VWF: variants seen among roughly 807,000 people sequenced by gnomAD.
VWF encodes von Willebrand factor, also known as Factor VIII related antigen.
VWF carries 176 observed loss-of-function variants against 308.6 expected under a neutral mutation model. The observed-to-expected ratio is 0.57, with a 90% CI of 0.50 to 0.65. The LOEUF is 0.65. Among genes scored for constraint, VWF ranks in the 30% least tolerant of loss-of-function variants. VWF has a pLI of 0.00. For synonymous variants in VWF, 1,385 were observed against 1,443.4 expected (o/e 0.96, Z 0.92); for missense variants, 3,146 against 3,648.2 (o/e 0.86, Z 3.55).
chr12:6,105,386 C>A (rs1157373362), intron 5 of VWF, among the ~76,000 whole-genome samples: 5 of 151,910 alleles, frequency 3.3e-5, no homozygotes, highest in African/African-American at 7.3e-5. Flanking sequence ...GTGCTACCAC[C>A]CCCAGCTAAT....
chr12:6,064,203 G>T lies in VWF; in HGVS notation c.1432+43C>A, dbSNP rs755553938. ...TTGAGAAGGAGGGTGCTAAGGGATG[G>T]GCTGTGCCAGCCCCAGGCCTGATGG... On this transcript the variant is annotated intron_variant, in intron 12 of 51. Coordinates refer to ENST00000261405, the MANE Select transcript of VWF (RefSeq NM_000552.5). 10 of 1,613,704 alleles carry T rather than the reference G, an allele frequency of 6.2e-6. No individual in the cohort carries two copies. In the African/African-American group the frequency reaches 1.3e-4, roughly 22 times the overall value.
At chr12:6,087,149 G>A (rs1944981984) in intron 6 of VWF, among the ~76,000 whole-genome samples, 1 of 152,138 alleles carries the variant, frequency 6.6e-6, no homozygotes, top group African/African-American at 2.4e-5. Flanking sequence ...TGCAATTGAT[G>A]TGAGCTCCTG....
At chr12:6,000,624 G>C (rs556063977) in intron 34 of VWF, among the ~76,000 whole-genome samples, 2 of 151,868 alleles carry the variant, frequency 1.3e-5, no homozygotes, top group Admixed American at 6.6e-5. Flanking sequence ...CGGCTAACAC[G>C]GTGAAACCCC....
intron 14 of VWF, among the ~76,000 whole-genome samples, chr12:6,057,277 T>G (rs941193365): frequency 6.6e-6 from 1 of 150,762 alleles, no homozygotes; most frequent in African/African-American, 2.4e-5. Context: ...GCTGCTGCAG[T>G]AGACTGGGAA....
intron 5 of VWF, among the ~76,000 whole-genome samples, chr12:6,096,437 G>A (rs1385667493): frequency 1.3e-5 from 2 of 152,110 alleles, no homozygotes; most frequent in Non-Finnish European, 2.9e-5. Flanking sequence ...CATGGCACCT[G>A]GGCATCCCTC....
intron 14 of VWF, among the ~76,000 whole-genome samples, chr12:6,057,646 G>A (rs1478854072): frequency 6.7e-6 from 1 of 149,408 alleles, no homozygotes; most frequent in Non-Finnish European, 1.5e-5. Context: ...TTGGCCTGTG[G>A]CGGGCGCCCA....
Position 5,951,850 on chromosome 12 carries a change from C to T in VWF, c.8149G>A (p.Asp2717Asn), listed in dbSNP as rs1194377444. 6.2e-7 allele frequency: 1 copy of T among 1,614,198 alleles called. No individual in the cohort carries two copies. The highest frequency in any genetic ancestry group is 8.5e-7 in the Non-Finnish European group (1 of 1,180,028). ...ATATTAGTAACGCACTCACATGTGTCACAGCAGGTGCCTGGAATTTTCATA... is the reference window on the plus strand; with the variant it reads ...ATATTAGTAACGCACTCACATGTGTTACAGCAGGTGCCTGGAATTTTCATA... ...KIMKIPGTCC[D>N]TCEEPECNDI... Residue 2717 changes from aspartate (D) to asparagine (N), a missense_variant, in exon 50 of 52, where the codon GAC becomes AAC. Transcript: ENST00000261405.
At chr12:6,095,330 G>A in intron 6 of VWF, 130 bp downstream of exon 6, 1 of 1,434,630 alleles carries the variant, frequency 7.0e-7, no homozygotes, top group Admixed American at 1.7e-5. Flanking sequence ...GCCACAGTTA[G>A]TTTTGGAGGA....
In VWF at chr12:5,949,024, G is replaced by A. The variant is rs1943145557; in HGVS notation, c.8433C>T (p.Cys2811=). 1.2e-6 allele frequency: 2 copies of A among 1,613,134 alleles called. No homozygotes were observed. Among genetic ancestry groups the A allele is most frequent in the Admixed American group, 3.3e-5 (2 of 59,882 alleles). ...AMECKCSPRK[C]SK is the part of the protein sequence containing the mutation. ...TGCAGCTGCAGCAGCCTCACTTGCTGCACTTCCTGGGGGAGCATTTGCACT... is the reference window on the plus strand; with the variant it reads ...TGCAGCTGCAGCAGCCTCACTTGCTACACTTCCTGGGGGAGCATTTGCACT... The change falls in exon 52 of 52, where the codon TGC becomes TGT. Residue 2811 remains cysteine, a synonymous_variant. Coordinates refer to ENST00000261405, the MANE Select transcript of VWF (RefSeq NM_000552.5).
intron 47 of VWF, among the ~76,000 whole-genome samples, chr12:5,964,300 A>ATACATACATACAT (rs1267334614): frequency 6.6e-6 from 1 of 151,962 alleles, no homozygotes; most frequent in African/African-American, 2.4e-5. Flanking sequence ...ACATACATAC[A>ATACATACATACAT]AAAAGCTACC....
intron 18 of VWF, among the ~76,000 whole-genome samples, chr12:6,040,029 T>C (rs138601219): frequency 2.0e-5 from 3 of 152,276 alleles, no homozygotes; most frequent in Non-Finnish European, 4.4e-5. Flanking sequence ...TATGAAGGCT[T>C]GACCCGGCTC....
At chr12:6,022,969 T>C (rs2136417677) in intron 25 of VWF, 71 bp from the exon 26 acceptor site, 1 of 344,496 alleles carries the variant, frequency 2.9e-6, no homozygotes, top group Admixed American at 4.1e-5. Flanking sequence ...CATGTGGTGA[T>C]GGCCTGCGCC....
intron 14 of VWF, 99 bp downstream of exon 14, chr12:6,057,750 C>G (rs1036347486): frequency 1.4e-6 from 2 of 1,407,522 alleles, no homozygotes; most frequent in Admixed American, 2.4e-5. Flanking sequence ...TCCCCGCCCC[C>G]GCCCTCCGCG....
intron 38 of VWF, among the ~76,000 whole-genome samples, chr12:5,988,422 T>C (rs1591845186): frequency 6.6e-6 from 1 of 152,142 alleles, no homozygotes; most frequent in Admixed American, 6.5e-5. Flanking sequence ...TTGGCAGACA[T>C]GAGGGGATGC....
intron 5 of VWF, among the ~76,000 whole-genome samples, chr12:6,108,853 T>A (rs187065660): frequency 6.6e-6 from 1 of 151,596 alleles, no homozygotes; most frequent in African/African-American, 2.4e-5. Flanking sequence ...TGGTGGCGGG[T>A]GCCTGTAGTC....
intron 34 of VWF, among the ~76,000 whole-genome samples, chr12:6,009,713 G>A (rs2136401633): frequency 6.6e-6 from 1 of 152,284 alleles, no homozygotes; most frequent in Admixed American, 6.5e-5. Flanking sequence ...ATAGCCAAGA[G>A]TTAGAAATAA....
Position 6,121,245 on chromosome 12 carries a change from A to G in VWF, c.149T>C (p.Met50Thr), listed in dbSNP as rs958629333. The G allele has an allele frequency of 2.5e-6, 4 of 1,614,072 alleles. No homozygotes were observed. The East Asian group carries it at 6.7e-5, about 27-fold the overall frequency. The change falls in exon 3 of 52, where the codon ATG becomes ACG. Residue 50 changes from methionine (M) to threonine (T), a missense_variant. By Grantham distance (81) the Met-to-Thr change is moderately conservative. Coordinates refer to ENST00000261405, the MANE Select transcript of VWF (RefSeq NM_000552.5). ...SDFVNTFDGS[M>T]YSFAGYCSYL... ...ACTGCAGTATCCCGCAAAGCTGTAC[A>G]TGCTCCCATCAAAGGTGTTGACGAA...
Position 5,994,192 on chromosome 12 carries a change from C to G in VWF, c.6268G>C (p.Glu2090Gln). ...KTYGLCGICD[E>Q]NGANDFMLRD... The stretch of plus-strand genomic sequence containing the variant: ...AGCATGAAGTCATTGGCTCCGTTCT[C>G]ATCACAGATCCCTAGAGAAACAAAC... Residue 2090 changes from glutamate (E) to glutamine (Q), a missense_variant, in exon 37 of 52, where the codon GAG (glutamate) becomes CAG (glutamine). Around this residue, in one of 3 missense-constraint regions of VWF, gnomAD observed 989 missense variants for 1,117.4 expected, o/e 0.89. Transcript: ENST00000261405. 1 of 1,614,108 alleles carries G rather than the reference C, an allele frequency of 6.2e-7. No homozygotes were observed.
At chr12:6,042,727 T>C (rs542066690) in intron 18 of VWF, among the ~76,000 whole-genome samples, 1 of 152,374 alleles carries the variant, frequency 6.6e-6, no homozygotes, top group East Asian at 1.9e-4. Context: ...ACAGCCTGTA[T>C]TTGAGGTCCC....
Sources: allele counts gnomAD v4.1 joint callset (sites outside exome capture counted in the v4.1 genomes callset), GRCh38; gene constraint gnomAD v4.1.1; regional missense constraint gnomAD v4.1.1; transcripts MANE v1.5; gene names NCBI Gene and HGNC (gene_info 2026-07-23, HGNC 2026-07-21).